Variants in LLGL1 observed in about 807,000 individuals in gnomAD.
The protein encoded by LLGL1 is LLGL scribble cell polarity complex component 1.
A neutral mutation model predicts 110.6 loss-of-function variants in LLGL1; 58 were observed. That is an observed-to-expected ratio of 0.52 (90% CI 0.42 to 0.65). The LOEUF is 0.65. Among genes scored for constraint, LLGL1 ranks in the 30% least tolerant of loss-of-function variants. LLGL1 has a pLI of 0.00. For missense variants in LLGL1, 1,229 were observed against 1,462.1 expected (o/e 0.84, Z 2.60); for synonymous variants, 674 against 607.2 (o/e 1.11, Z -1.62).
rs372427725 is a variant in LLGL1 at position 18,234,021 on chromosome 17, A to G, written c.560A>G (p.Asp187Gly). 6.0e-5 allele frequency: 95 copies of G among 1,593,700 alleles called. No individual in the cohort carries two copies. Among genetic ancestry groups the G allele is most frequent in the Non-Finnish European group, 7.4e-5 (86 of 1,166,836 alleles). ...CCTGCCTTCCTCCACAGCGTGCCAGACGACTACCGCTGTGGGAAGGCACTG... is the reference window on the plus strand; with the variant it reads ...CCTGCCTTCCTCCACAGCGTGCCAGGCGACTACCGCTGTGGGAAGGCACTG... ...APGEVLRSVPDDYRCGKALGP... is the reference protein window; with the variant it reads ...APGEVLRSVPGDYRCGKALGP... The change falls in exon 6 of 23, where the codon GAC (aspartate) becomes GGC (glycine). Residue 187 changes from aspartate to glycine, a missense_variant. Physicochemically the swap from Asp to Gly is moderately conservative, Grantham distance 94. Coordinates refer to ENST00000316843, the MANE Select transcript of LLGL1 (RefSeq NM_004140.4).
chr17:18,240,296 A>G lies in LLGL1; in HGVS notation c.2207-282A>G, dbSNP rs1191405622. ...TGGAGGTCTGGTTTGGGTGCCCATC[A>G]GCATTCTGTGCAGATGCGCTACAGC... On this transcript the variant is annotated intron_variant, in intron 16 of 22. Coordinates refer to ENST00000316843, the MANE Select transcript of LLGL1 (RefSeq NM_004140.4). This position sits in a 1 kb window ranked among gnomAD's most constrained non-coding sequence, Gnocchi z 5.3. 6.6e-6 allele frequency among the ~76,000 whole-genome samples: 1 copy of G among 152,118 alleles called. No individual in the cohort carries two copies. Among genetic ancestry groups the G allele is most frequent in the Non-Finnish European group, 1.5e-5 (1 of 68,014 alleles).
Position 18,232,366 on chromosome 17 carries a change from G to A in LLGL1, c.180-129G>A. 4 of 737,900 alleles carry A rather than the reference G, an allele frequency of 5.4e-6. No homozygotes were observed. The South Asian group carries it at 5.6e-5, about 10-fold the overall frequency. 45.7% of individuals were successfully genotyped at this position (737,900 alleles called of 1,614,324 possible). On this transcript the variant is annotated intron_variant, in intron 2 of 22. Coordinates refer to ENST00000316843, the MANE Select transcript of LLGL1 (RefSeq NM_004140.4). ...GGAGGGGGCCTCCGTTCTTCAGGGA[G>A]GACTCCTGGATGGTCAGGCCCATGC... is the stretch of plus-strand genomic sequence containing the variant.
In LLGL1 at chr17:18,238,584, C is replaced by T. The variant is rs954084097; in HGVS notation, c.2181C>T (p.Tyr727=). 2 of 1,612,570 alleles carry T rather than the reference C, an allele frequency of 1.2e-6. No homozygotes were observed. The highest frequency in any genetic ancestry group is 2.7e-5 in the African/African-American group (2 of 74,914). ...TGTCGGGTGTCGTGCGTTGCCTATA[C>T]TTTGCCGACACATTCCTTCGAGATG... ...DSLSGVVRCL[Y]FADTFLRDGA... Residue 727 remains tyrosine, a synonymous_variant, in exon 16 of 23, where the codon TAC becomes TAT. Coordinates refer to ENST00000316843, the MANE Select transcript of LLGL1 (RefSeq NM_004140.4).
chr17:18,241,748 T>C (rs758942575), intron 18 of LLGL1, 33 bp downstream of exon 18: 2 of 1,609,172 alleles, frequency 1.2e-6, no homozygotes, highest in Non-Finnish European at 1.7e-6. Flanking sequence ...GAGGCCTTCC[T>C]CAGGCGAGCG....
At chr17:18,232,872 G>A in intron 4 of LLGL1, 70 bp downstream of exon 4, 1 of 1,595,802 alleles carries the variant, frequency 6.3e-7, no homozygotes, top group South Asian at 1.1e-5. Context: ...GGAACCTGCT[G>A]TGCAAAGGCA....
In LLGL1 at chr17:18,235,502, C is replaced by T; in HGVS notation, c.1317C>T (p.Ala439=). 6.2e-7 allele frequency: 1 copy of T among 1,613,982 alleles called. No homozygotes were observed. The highest frequency in any genetic ancestry group is 1.7e-5 in the Admixed American group (1 of 60,016). The change falls in exon 11 of 23, where the codon GCC becomes GCT. Residue 439 remains alanine (A), a synonymous_variant. Transcript: ENST00000316843. ...SWPITGGRNL[A]QEPSQRGLLL... is the part of the protein sequence containing the mutation. ...CCATCACTGGGGGCCGAAACCTGGC[C>T]CAGGAGCCGTCACAGCGAGGGCTGC...
chr17:18,231,167 C>T (rs529562344), intron 2 of LLGL1, among the ~76,000 whole-genome samples: 63 of 152,298 alleles, frequency 4.1e-4, no homozygotes, highest in African/African-American at 1.5e-3. Context: ...AGGCTGGAGC[C>T]CGGGGTCCTC....
At chr17:18,233,722 C>G (rs998239367) in intron 4 of LLGL1, 56 bp from the exon 5 acceptor site, 23 of 1,559,440 alleles carry the variant, frequency 1.5e-5, no homozygotes, top group Non-Finnish European at 1.7e-5. Context: ...CCTCACACCC[C>G]ACCTGAGCAG....
At chr17:18,241,300 A>G in intron 17 of LLGL1, 151 bp from the exon 18 acceptor site, 1 of 916,256 alleles carries the variant, frequency 1.1e-6, no homozygotes, top group Non-Finnish European at 1.6e-6. Flanking sequence ...TCTGGAGTTT[A>G]GTGGGGCAGC....
intron 1 of LLGL1, among the ~76,000 whole-genome samples, chr17:18,226,949 G>A (rs1434676183): frequency 6.6e-6 from 1 of 152,248 alleles, no homozygotes; most frequent in Non-Finnish European, 1.5e-5. Flanking sequence ...GAGGGGTGAC[G>A]GCTTGCCCGG....
intron 1 of LLGL1, among the ~76,000 whole-genome samples, chr17:18,228,459 CTG>C (rs2047499459): frequency 6.6e-6 from 1 of 152,172 alleles, no homozygotes; most frequent in Non-Finnish European, 1.5e-5. Flanking sequence ...CCTCTGGCCT[CTG>C]TGGGAACAGA....
chr17:18,230,563 G>T (rs1026067212), intron 2 of LLGL1, among the ~76,000 whole-genome samples: 12 of 142,824 alleles, frequency 8.4e-5, no homozygotes, highest in Non-Finnish European at 1.7e-4. Flanking sequence ...CACAAAGCGG[G>T]CATTTTCCCT....
At chr17:18,243,669 G>A (rs1225726927) in intron 22 of LLGL1, among the ~76,000 whole-genome samples, 1 of 152,202 alleles carries the variant, frequency 6.6e-6, no homozygotes, top group Non-Finnish European at 1.5e-5. Flanking sequence ...CACAGGACAT[G>A]GACACCTCCC....
chr17:18,234,817 G>A (rs760083336), intron 8 of LLGL1, 22 bp from the exon 9 acceptor site: 14 of 1,612,832 alleles, frequency 8.7e-6, no homozygotes, highest in African/African-American at 4.0e-5. Context: ...TTCATGGCTC[G>A]CACACCTCCC....
intron 1 of LLGL1, among the ~76,000 whole-genome samples, chr17:18,227,501 A>G (rs1376336907): frequency 1.3e-5 from 2 of 151,768 alleles, no homozygotes; most frequent in Non-Finnish European, 1.5e-5. Context: ...TGATCCTCCC[A>G]TCTCAGCCTC....
intron 8 of LLGL1, 65 bp downstream of exon 8, chr17:18,234,768 C>CT (rs2047652706): frequency 3.7e-6 from 6 of 1,613,556 alleles, no homozygotes; most frequent in Non-Finnish European, 5.1e-6. Context: ...AGGGTGGGCT[C>CT]TCCCTAGGTT....
rs778729916 is a variant in LLGL1, at chr17:18,238,150, C to T, written c.1988C>T (p.Ser663Phe). The T allele has an allele frequency of 1.2e-6, 2 of 1,613,692 alleles. No homozygotes were observed. Among genetic ancestry groups the T allele is most frequent in the Non-Finnish European group, 1.7e-6 (2 of 1,180,022 alleles). Residue 663 changes from serine to phenylalanine, a missense_variant, in exon 15 of 23, where the codon TCT becomes TTT. Ser to Phe is a radical substitution (Grantham distance 155). Transcript: ENST00000316843. ...TCTCTCAAGAAGTCACTGCGCCAGT[C>T]TTTCCGGCGCATTCGCAAGAGTCGT... ...VKSLKKSLRQSFRRIRKSRVS... is the reference protein window; with the variant it reads ...VKSLKKSLRQFFRRIRKSRVS...
chr17:18,239,416 T>C (rs907209675), intron 16 of LLGL1, among the ~76,000 whole-genome samples: 2 of 152,058 alleles, frequency 1.3e-5, no homozygotes, highest in Non-Finnish European at 1.5e-5. Context: ...TACACAAAAA[T>C]AGAGAGGTGC....
chr17:18,231,506 C>T (rs936297725), intron 2 of LLGL1, among the ~76,000 whole-genome samples: 1 of 152,224 alleles, frequency 6.6e-6, no homozygotes, highest in Non-Finnish European at 1.5e-5. Context: ...CCTGGAGTTG[C>T]CGGGACTCAG....
Sources: gnomAD v4.1 joint callset for allele counts (sites outside exome capture counted in the v4.1 genomes callset) on GRCh38, gnomAD v4.1.1 for gene constraint, Gnocchi (gnomAD v3.1) non-coding constraint, MANE v1.5 for transcripts, NCBI Gene and HGNC (gene_info 2026-07-23, HGNC 2026-07-21) for gene names.